The following PLA2G4C variants were observed in gnomAD, a reference collection of about 807,000 sequenced individuals.
PLA2G4C encodes phospholipase A2 group IVC, also known as cytosolic phospholipase A2 gamma.
A neutral mutation model predicts 73.8 loss-of-function variants in PLA2G4C; 64 were observed. The ratio of observed to expected loss-of-function variants is 0.87; its 90% confidence interval spans 0.71 to 1.07. The LOEUF (loss-of-function observed/expected upper bound fraction) is 1.07, where lower values mean the gene tolerates loss of function less well. Ranked by LOEUF, PLA2G4C falls within the 50% of genes least tolerant of loss-of-function variation. PLA2G4C has a pLI of 0.00. For missense variants in PLA2G4C, 622 were observed against 665.4 expected, an observed-to-expected ratio of 0.93 and a Z score of 0.72; for synonymous variants, 254 against 252.1, an observed-to-expected ratio of 1.01 and a Z score of -0.07.
chr19:48,048,915 T>C (rs180738501), intron 16 of PLA2G4C, among the ~76,000 whole-genome samples: 16 of 152,316 alleles, frequency 1.1e-4, no homozygotes, highest in Admixed American at 8.5e-4. Flanking sequence ...ATGAATGGGT[T>C]GGTGCCTTCC....
chr19:48,065,477 A>G (rs1968379924), intron 13 of PLA2G4C, among the ~76,000 whole-genome samples: 1 of 151,894 alleles, frequency 6.6e-6, no homozygotes, highest in African/African-American at 2.4e-5. Context: ...TCAGTTGAGC[A>G]TGGTGACATG....
intron 1 of PLA2G4C, among the ~76,000 whole-genome samples, 193 bp downstream of exon 1, chr19:48,110,294 C>A (rs1264721450): frequency 2.0e-5 from 3 of 151,148 alleles, no homozygotes; most frequent in Non-Finnish European, 4.4e-5. Context: ...TGCCGTGAGC[C>A]GAGATCGCGT....
At chr19:48,051,057 T>A (rs947893235) in intron 16 of PLA2G4C, among the ~76,000 whole-genome samples, 1 of 152,118 alleles carries the variant, frequency 6.6e-6, no homozygotes, top group Non-Finnish European at 1.5e-5. Flanking sequence ...ATCCTGGGTA[T>A]CTGGGTGGGC....
rs1161684988 is a variant in PLA2G4C, at chr19:48,105,879, C to A, written c.9-435G>T. Among the ~76,000 whole-genome samples the A allele has an allele frequency of 5.3e-4, 17 of 32,302 alleles. 1 individual carries two copies. Among genetic ancestry groups the A allele is most frequent in the African/African-American group, 1.6e-3 (16 of 10,292 alleles). 21.2% of individuals were successfully genotyped at this position (32,302 alleles called of 152,430 possible). Reference sequence around the variant, plus strand: ...CCTTCCTTCCTCCTTCCTTCCTTCCCTCCTTCTTTCCCTCCCTCCCTCCCT... The same window carrying A: ...CCTTCCTTCCTCCTTCCTTCCTTCCATCCTTCTTTCCCTCCCTCCCTCCCT... On this transcript the variant is annotated intron_variant, in intron 2 of 16. Coordinates refer to ENST00000599921, the MANE Select transcript of PLA2G4C (RefSeq NM_003706.3).
chr19:48,083,979 A>C (rs947268607), intron 10 of PLA2G4C, among the ~76,000 whole-genome samples: 1 of 151,774 alleles, frequency 6.6e-6, no homozygotes, highest in Non-Finnish European at 1.5e-5. Context: ...AGGGGACAAC[A>C]GCATCCACTT....
Position 48,106,681 on chromosome 19 carries a change from C to T in PLA2G4C, c.-32-120G>A, listed in dbSNP as rs11564518. On this transcript the variant is annotated intron_variant, in intron 1 of 16. Coordinates refer to ENST00000599921, the MANE Select transcript of PLA2G4C (RefSeq NM_003706.3). ...CTCCTTGTCCACTGCCCAGACAAAA[C>T]CAATGCGAACAGCAGGTGTTGCAGC... The T allele has an allele frequency of 4.3e-3, 3,139 of 723,434 alleles. 74 individuals are homozygous for T. The African/African-American group carries it at 0.048, about 11-fold the overall frequency. The allele number at this position is 723,434 out of a possible 1,614,324, so 44.8% of individuals were successfully genotyped here.
At chr19:48,102,120 A>G (rs2031951751) in intron 4 of PLA2G4C, among the ~76,000 whole-genome samples, 1 of 152,060 alleles carries the variant, frequency 6.6e-6, no homozygotes, top group Non-Finnish European at 1.5e-5. Flanking sequence ...TCAAAATGCT[A>G]ATGTTTTGGA....
At chr19:48,103,076 T>A (rs752358797) in intron 4 of PLA2G4C, among the ~76,000 whole-genome samples, 1 of 152,148 alleles carries the variant, frequency 6.6e-6, no homozygotes, top group African/African-American at 2.4e-5. Context: ...TCTTGCTATG[T>A]TGCCCAGGCT....
intron 6 of PLA2G4C, chr19:48,096,770 G>C (rs2031589977): frequency 6.6e-6 from 1 of 152,250 alleles, no homozygotes; most frequent in Non-Finnish European, 1.5e-5. Context: ...TGGATCTCAG[G>C]AGAGAGATGA....
intron 7 of PLA2G4C, among the ~76,000 whole-genome samples, chr19:48,095,183 G>A (rs2031502827): frequency 6.6e-6 from 1 of 152,080 alleles, no homozygotes; most frequent in Non-Finnish European, 1.5e-5. Flanking sequence ...TTCTGAATCT[G>A]CTTATTGGAA....
At chr19:48,077,651 C>G (rs1023302568) in intron 11 of PLA2G4C, 120 bp downstream of exon 11, 10 of 720,188 alleles carry the variant, frequency 1.4e-5, no homozygotes, top group African/African-American at 1.3e-4. Context: ...ATGCTCCTCT[C>G]CATTCCCAAA....
intron 7 of PLA2G4C, among the ~76,000 whole-genome samples, chr19:48,093,792 G>A (rs1215297696): frequency 1.3e-5 from 2 of 152,172 alleles, no homozygotes; most frequent in African/African-American, 4.8e-5. Flanking sequence ...GAGACCTGGT[G>A]GGAGGTAATC....
intron 12 of PLA2G4C, among the ~76,000 whole-genome samples, chr19:48,074,285 C>T (rs2029986062): frequency 6.6e-6 from 1 of 152,172 alleles, no homozygotes; most frequent in African/African-American, 2.4e-5. Context: ...ACTTCCAGCT[C>T]CACCCATATC....
chr19:48,104,613 G>T lies in PLA2G4C; in HGVS notation c.232C>A (p.Leu78Ile). The part of the protein sequence containing the change: ...EQGLLDAVTY[L>I]AGVSGSTWAI... Reference sequence around the variant, plus strand: ...CAAGTGGATCCAGAGACCCCTGCGAGGTACGTGACGGCATCCAACAGGCCC... The same window carrying T: ...CAAGTGGATCCAGAGACCCCTGCGATGTACGTGACGGCATCCAACAGGCCC... The change falls in exon 4 of 17, where the codon CTC becomes ATC. Residue 78 changes from leucine (L) to isoleucine (I), a missense_variant. Physicochemically the swap from Leu to Ile is conservative, Grantham distance 5. Transcript: ENST00000599921. 6.2e-7 allele frequency: 1 copy of T among 1,614,068 alleles called. No individual in the cohort carries two copies. The highest frequency in any genetic ancestry group is 2.2e-5 in the East Asian group (1 of 44,864).
rs984826833 is a variant in PLA2G4C at position 48,095,593 on chromosome 19, C to T, written c.580G>A (p.Glu194Lys). The change falls in exon 7 of 17, where the codon GAG becomes AAG. Residue 194 changes from glutamate (E) to lysine (K), a missense_variant. Glu to Lys is a moderately conservative substitution (Grantham distance 56). Transcript: ENST00000599921. ...AAGCCAGCGTGGTGAGGGGTGAACT[C>T]GAACCAGGTCTCTGCAGAGGAAATA... Reference protein sequence around the residue: ...QEARAPETWFEFTPHHAGFSA... With the variant: ...QEARAPETWFKFTPHHAGFSA... The T allele has an allele frequency of 6.8e-6, 11 of 1,613,968 alleles. No homozygotes were observed. The highest frequency in any genetic ancestry group is 1.6e-4 in the Middle Eastern group (1 of 6,084).
intron 7 of PLA2G4C, among the ~76,000 whole-genome samples, chr19:48,093,841 T>C (rs944787488): frequency 1.3e-5 from 2 of 152,192 alleles, no homozygotes; most frequent in African/African-American, 4.8e-5. Context: ...GTACTCGTGA[T>C]AGCGAGTGAG....
intron 16 of PLA2G4C, among the ~76,000 whole-genome samples, chr19:48,048,974 T>C (rs1338312983): frequency 6.6e-6 from 1 of 152,090 alleles, no homozygotes. Context: ...TGAGATCTGG[T>C]TGTTAAAAGG....
rs558598901 is a variant in PLA2G4C, at chr19:48,048,017, G to C, written c.*326C>G. On this transcript the variant is annotated 3_prime_UTR_variant, in exon 17 of 17. Coordinates refer to ENST00000599921, the MANE Select transcript of PLA2G4C (RefSeq NM_003706.3). ...CATAAAGGAGCAGTGGAAGGCATTG[G>C]TCTGAACTATCACATTCATTCTGGC... 79 of 369,832 alleles carry C rather than the reference G, an allele frequency of 2.1e-4. No individual in the cohort carries two copies. The South Asian group carries it at 2.8e-3, about 13-fold the overall frequency. The allele number at this position is 369,832 out of a possible 1,614,324, so 22.9% of individuals were successfully genotyped here. A position where few individuals can be genotyped will look rare whatever the true frequency, so the allele number is the denominator to read the frequency against.
At chr19:48,083,792 G>T (rs2122596339) in intron 10 of PLA2G4C, among the ~76,000 whole-genome samples, 1 of 151,948 alleles carries the variant, frequency 6.6e-6, no homozygotes. Context: ...AATTTAAGCA[G>T]CTTTCTAGGG....
Sources: allele counts gnomAD v4.1 joint callset (sites outside exome capture counted in the v4.1 genomes callset), GRCh38; gene constraint gnomAD v4.1.1; transcripts MANE v1.5; gene names NCBI Gene and HGNC (gene_info 2026-07-23, HGNC 2026-07-21).